Variants in GNA12 observed in about 807,000 individuals in gnomAD.
The protein encoded by GNA12 is G protein subunit alpha 12.
A neutral mutation model predicts 26.0 loss-of-function variants in GNA12; 9 were observed. The observed-to-expected ratio is 0.35, with a 90% CI of 0.21 to 0.60. GNA12 has a LOEUF of 0.60. Ranked by LOEUF, GNA12 falls within the 20% of genes least tolerant of loss-of-function variation. The pLI, the probability that GNA12 is intolerant of heterozygous loss-of-function variation, is 0.78. For synonymous variants in GNA12, 264 were observed against 219.6 expected (o/e 1.20, Z -1.79); for missense variants, 405 against 525.8 (o/e 0.77, Z 2.25).
chr7:2,750,892 G>A (rs951874176), intron 2 of GNA12, among the ~76,000 whole-genome samples: 3 of 152,198 alleles, frequency 2.0e-5, no homozygotes, highest in Admixed American at 2.0e-4. Context: ...ATATGAGGGT[G>A]CGAATGGAAA....
chr7:2,742,134 G>A lies in GNA12; in HGVS notation c.526-8633C>T, dbSNP rs148032113. On this transcript the variant is annotated intron_variant, in intron 2 of 3. Coordinates refer to ENST00000275364, the MANE Select transcript of GNA12 (RefSeq NM_007353.3). ...CCTCCCAGGTTCAAGAGATTCTCCTGCCTCAGCCACCCGAGTAGCTGGGAT... is the reference window on the plus strand; with the variant it reads ...CCTCCCAGGTTCAAGAGATTCTCCTACCTCAGCCACCCGAGTAGCTGGGAT... Among the ~76,000 whole-genome samples, 1,473 of 152,080 alleles carry A rather than the reference G, an allele frequency of 9.7e-3. 14 individuals are homozygous for A. Among genetic ancestry groups the A allele is most frequent in the Non-Finnish European group, 0.017 (1,134 of 67,998 alleles).
chr7:2,757,912 T>C (rs1459859546), intron 2 of GNA12, among the ~76,000 whole-genome samples: 1 of 152,228 alleles, frequency 6.6e-6, no homozygotes, highest in African/African-American at 2.4e-5. Flanking sequence ...CTCTGACTCC[T>C]GTTCGCTGTC....
chr7:2,790,401 A>G (rs2115450236), intron 2 of GNA12, among the ~76,000 whole-genome samples: 1 of 152,244 alleles, frequency 6.6e-6, no homozygotes, highest in Middle Eastern at 3.4e-3. Context: ...CAGGCGCGCA[A>G]CACCTTGTCT....
intron 2 of GNA12, among the ~76,000 whole-genome samples, chr7:2,755,192 G>A (rs914947567): frequency 1.3e-5 from 2 of 152,204 alleles, no homozygotes; most frequent in Non-Finnish European, 2.9e-5. Flanking sequence ...CTTGGAATCA[G>A]GGAGAGTGGC....
At chr7:2,777,997 A>G (rs1452606739) in intron 2 of GNA12, among the ~76,000 whole-genome samples, 2 of 152,210 alleles carry the variant, frequency 1.3e-5, no homozygotes, top group Non-Finnish European at 2.9e-5. Context: ...TCAATCTCCT[A>G]TTTACCAAAC....
At chr7:2,770,783 G>A (rs958604332) in intron 2 of GNA12, among the ~76,000 whole-genome samples, 3 of 152,326 alleles carry the variant, frequency 2.0e-5, no homozygotes, top group African/African-American at 7.2e-5. Context: ...TTCCACGTAG[G>A]ACGATTACAA....
At chr7:2,803,107 A>T (rs1049209897) in intron 1 of GNA12, among the ~76,000 whole-genome samples, 10 of 152,218 alleles carry the variant, frequency 6.6e-5, no homozygotes, top group Non-Finnish European at 1.5e-4. Flanking sequence ...GGAAAACCCA[A>T]AAGGCGGTAA....
chr7:2,783,091 G>C (rs1179867105), intron 2 of GNA12, among the ~76,000 whole-genome samples: 3 of 152,296 alleles, frequency 2.0e-5, no homozygotes, highest in African/African-American at 7.2e-5. Context: ...ATGTAGGTCT[G>C]ACCTGACCCC....
At chr7:2,735,579 C>A (rs1190649866) in intron 2 of GNA12, among the ~76,000 whole-genome samples, 1 of 152,188 alleles carries the variant, frequency 6.6e-6, no homozygotes, top group Non-Finnish European at 1.5e-5. Flanking sequence ...AGTCTAAACA[C>A]CCCTCGAGTC....
At chr7:2,787,749 C>T (rs1326422080) in intron 2 of GNA12, among the ~76,000 whole-genome samples, 2 of 152,224 alleles carry the variant, frequency 1.3e-5, no homozygotes, top group Admixed American at 6.5e-5. Flanking sequence ...CATTTCGCCC[C>T]TACAGCAAGG....
At chr7:2,796,425 C>T (rs541127986) in intron 1 of GNA12, among the ~76,000 whole-genome samples, 2 of 152,240 alleles carry the variant, frequency 1.3e-5, no homozygotes, top group African/African-American at 2.4e-5. Flanking sequence ...CTGTGGATAA[C>T]GGGAGATGAC....
Position 2,815,388 on chromosome 7 carries a change from G to A in GNA12, c.310-20245C>T, listed in dbSNP as rs1583304476. 7.3e-5 allele frequency: 13 copies of A among 179,072 alleles called. No homozygotes were observed. In the South Asian group the frequency reaches 1.5e-3, roughly 21 times the overall value. 11.1% of individuals were successfully genotyped at this position (179,072 alleles called of 1,614,324 possible). On this transcript the variant is annotated intron_variant, in intron 1 of 3. Coordinates refer to ENST00000275364, the MANE Select transcript of GNA12 (RefSeq NM_007353.3). ...CTCACGCACGAAGACCCTGAGCTTCGCATTTTTGAAACACTAAAGAAAACA... is the reference window on the plus strand; with the variant it reads ...CTCACGCACGAAGACCCTGAGCTTCACATTTTTGAAACACTAAAGAAAACA...
Position 2,731,180 on chromosome 7 carries a change from C to T in GNA12, c.*1G>A. On this transcript the variant is annotated 3_prime_UTR_variant, in exon 4 of 4. Transcript: ENST00000275364. This position sits in a 1 kb window ranked among gnomAD's most constrained non-coding sequence, Gnocchi z 6.0. ...GACGACAAACCCCGGGGCTTCCTCG[C>T]TCACTGCAGCATGATGTCCTTCAGG... is the stretch of plus-strand genomic sequence containing the variant. The T allele has an allele frequency of 6.2e-7, 1 of 1,601,674 alleles. No individual in the cohort carries two copies. Among genetic ancestry groups the T allele is most frequent in the Non-Finnish European group, 8.5e-7 (1 of 1,171,740 alleles).
chr7:2,759,923 C>A (rs969565620), intron 2 of GNA12, among the ~76,000 whole-genome samples: 1 of 152,206 alleles, frequency 6.6e-6, no homozygotes, highest in African/African-American at 2.4e-5. Flanking sequence ...CTGCTTTCTG[C>A]CACCTGCTCC....
chr7:2,748,382 CA>C (rs1790869759), intron 2 of GNA12, among the ~76,000 whole-genome samples: 1 of 152,224 alleles, frequency 6.6e-6, no homozygotes, highest in South Asian at 2.1e-4. Context: ...TGATCTTTGA[CA>C]AACCTGACAG....
At chr7:2,750,632 T>TC (rs1790987191) in intron 2 of GNA12, among the ~76,000 whole-genome samples, 1 of 152,198 alleles carries the variant, frequency 6.6e-6, no homozygotes, top group Non-Finnish European at 1.5e-5. Context: ...ACTGTATTCA[T>TC]CCCCTTTTGG....
intron 1 of GNA12, among the ~76,000 whole-genome samples, chr7:2,825,587 T>C (rs746230816): frequency 7.9e-5 from 12 of 152,204 alleles, no homozygotes; most frequent in Non-Finnish European, 1.2e-4. Flanking sequence ...GTTTGTGCCA[T>C]CATACAGCTA....
chr7:2,785,695 G>C (rs932593507), intron 2 of GNA12, among the ~76,000 whole-genome samples: 2 of 146,286 alleles, frequency 1.4e-5, no homozygotes, highest in Non-Finnish European at 3.0e-5. Flanking sequence ...TTGTGTATGT[G>C]CATACACACA....
chr7:2,735,713 A>C (rs1382536540), intron 2 of GNA12, among the ~76,000 whole-genome samples: 3 of 152,206 alleles, frequency 2.0e-5, no homozygotes, highest in Non-Finnish European at 4.4e-5. Context: ...CTTGGAATGC[A>C]GGAAAACTTA....
Sources: allele counts gnomAD v4.1 joint callset (sites outside exome capture counted in the v4.1 genomes callset), GRCh38; gene constraint gnomAD v4.1.1; non-coding constraint Gnocchi (gnomAD v3.1); transcripts MANE v1.5; gene names NCBI Gene and HGNC (gene_info 2026-07-23, HGNC 2026-07-21).